The following LRP1B variants were observed in gnomAD, a reference collection of about 807,000 sequenced individuals.
The protein encoded by LRP1B is low-density lipoprotein receptor-related protein 1B.
LRP1B carries 217 observed loss-of-function variants against 556.6 expected under a neutral mutation model. The ratio of observed to expected loss-of-function variants is 0.39; its 90% CI spans 0.35 to 0.44. LRP1B has a LOEUF of 0.44. LRP1B is among the 20% of genes least tolerant of loss of function. The pLI is 1.00. For synonymous variants in LRP1B, 2,047 were observed against 1,865.8 expected (o/e 1.10, Z -2.50); for missense variants, 5,053 against 5,620.8 (o/e 0.90, Z 3.23).
intron 1 of LRP1B, among the ~76,000 whole-genome samples, chr2:142,014,649 A>G (rs1389198414): frequency 6.6e-6 from 1 of 152,186 alleles, no homozygotes; most frequent in Admixed American, 6.5e-5. Context: ...AAACCTTTTA[A>G]AGAAGTGGAT....
chr2:141,251,170 A>G (rs953624146), intron 4 of LRP1B, among the ~76,000 whole-genome samples: 1 of 152,182 alleles, frequency 6.6e-6, no homozygotes, highest in Non-Finnish European at 1.5e-5. Flanking sequence ...TTTGGAGTCA[A>G]GATCATAAAG....
chr2:140,495,994 C>G (rs1281467522), intron 55 of LRP1B, among the ~76,000 whole-genome samples: 2 of 152,080 alleles, frequency 1.3e-5, no homozygotes, highest in African/African-American at 4.8e-5. Flanking sequence ...ATTGACATTG[C>G]TAAGGCCGTG....
intron 1 of LRP1B, among the ~76,000 whole-genome samples, chr2:141,834,739 C>T (rs1331328677): frequency 6.6e-6 from 1 of 151,670 alleles, no homozygotes; most frequent in Non-Finnish European, 1.5e-5. Flanking sequence ...AGAAGTTGCA[C>T]AGTTGGAAAG....
intron 2 of LRP1B, among the ~76,000 whole-genome samples, chr2:141,677,758 G>T (rs1574230791): frequency 6.6e-6 from 1 of 152,108 alleles, no homozygotes; most frequent in Admixed American, 6.6e-5. Context: ...CAAAGTGCTG[G>T]CATTACAGGC....
intron 47 of LRP1B, among the ~76,000 whole-genome samples, chr2:140,527,683 GTT>G (rs5834754): frequency 5.3e-5 from 8 of 151,768 alleles, no homozygotes; most frequent in South Asian, 2.1e-4. Flanking sequence ...ACGGAAAAAA[GTT>G]TTTTTTCTTT....
intron 2 of LRP1B, among the ~76,000 whole-genome samples, chr2:141,661,896 G>A (rs1690234474): frequency 1.3e-5 from 2 of 152,070 alleles, no homozygotes; most frequent in Non-Finnish European, 2.9e-5. Context: ...CTCCAAGATT[G>A]AAATGAAGGA....
chr2:140,804,433 T>A (rs1690637966), intron 32 of LRP1B, among the ~76,000 whole-genome samples: 1 of 152,048 alleles, frequency 6.6e-6, no homozygotes, highest in East Asian at 1.9e-4. Context: ...ATGTATTTTT[T>A]AAATTTTTCT....
intron 1 of LRP1B, among the ~76,000 whole-genome samples, chr2:141,837,483 T>C (rs535422170): frequency 2.0e-5 from 3 of 152,044 alleles, no homozygotes; most frequent in Non-Finnish European, 2.9e-5. Context: ...GAAAAAATCT[T>C]CAGCTTTCAT....
At chr2:141,825,442 C>T (rs1696890408) in intron 1 of LRP1B, among the ~76,000 whole-genome samples, 1 of 152,150 alleles carries the variant, frequency 6.6e-6, no homozygotes, top group African/African-American at 2.4e-5. Context: ...TCAACTGTAT[C>T]ATCAAATAAG....
intron 1 of LRP1B, among the ~76,000 whole-genome samples, chr2:141,891,911 C>T (rs1454950991): frequency 6.6e-6 from 1 of 151,966 alleles, no homozygotes; most frequent in Non-Finnish European, 1.5e-5. Flanking sequence ...GACATAATTT[C>T]TAAATAGGTG....
chr2:140,666,119 G>A (rs561537446), intron 41 of LRP1B, among the ~76,000 whole-genome samples: 7 of 151,424 alleles, frequency 4.6e-5, no homozygotes, highest in Non-Finnish European at 1.0e-4. Context: ...TCAGCCTCCC[G>A]AGTAGTTGGG....
At chr2:140,551,352 C>G (rs1680541835) in intron 43 of LRP1B, among the ~76,000 whole-genome samples, 1 of 151,994 alleles carries the variant, frequency 6.6e-6, no homozygotes, top group Admixed American at 6.6e-5. Flanking sequence ...AGGAGGGGGA[C>G]TGGGAAGAAA....
At chr2:141,536,988 T>C (rs1250672885) in intron 2 of LRP1B, among the ~76,000 whole-genome samples, 2 of 151,424 alleles carry the variant, frequency 1.3e-5, no homozygotes, top group Non-Finnish European at 3.0e-5. Context: ...ATTGAGGAAA[T>C]GATAAATGAG....
intron 2 of LRP1B, among the ~76,000 whole-genome samples, chr2:141,766,456 T>C (rs144236177): frequency 6.6e-6 from 1 of 152,286 alleles, no homozygotes; most frequent in Non-Finnish European, 1.5e-5. Context: ...TCACTAAAAG[T>C]CATTTGAAGT....
At chr2:141,671,282 A>C (rs993666052) in intron 2 of LRP1B, among the ~76,000 whole-genome samples, 1 of 152,178 alleles carries the variant, frequency 6.6e-6, no homozygotes, top group Non-Finnish European at 1.5e-5. Context: ...AAGATAATCT[A>C]AGGTCAGATT....
chr2:141,584,286 T>C (rs960422591), intron 2 of LRP1B, among the ~76,000 whole-genome samples: 1 of 151,796 alleles, frequency 6.6e-6, no homozygotes, highest in Non-Finnish European at 1.5e-5. Context: ...TCAACTACCA[T>C]CTAGGAAAGA....
chr2:141,906,593 G>A (rs1699767542), intron 1 of LRP1B, among the ~76,000 whole-genome samples: 1 of 151,960 alleles, frequency 6.6e-6, no homozygotes, highest in South Asian at 2.1e-4. Context: ...AGATACTGAT[G>A]TGACTTTTAT....
rs901299427 is a variant in LRP1B, at chr2:140,657,767, T to C, written c.6799+42483A>G. ...TTTTAATGTACTCATGATGTGTCAC[T>C]GTGATTACATTAAAAACAAAAGAGC... On this transcript the variant is annotated intron_variant, in intron 41 of 90. Coordinates refer to ENST00000389484, the MANE Select transcript of LRP1B (RefSeq NM_018557.3). 8.6e-5 allele frequency among the ~76,000 whole-genome samples: 13 copies of C among 151,950 alleles called. No individual in the cohort carries two copies. In the South Asian group the frequency reaches 2.5e-3, roughly 29 times the overall value.
intron 86 of LRP1B, among the ~76,000 whole-genome samples, chr2:140,269,800 G>T (rs953980259): frequency 1.3e-5 from 2 of 151,776 alleles, no homozygotes; most frequent in African/African-American, 4.8e-5. Flanking sequence ...GGGCTTAATA[G>T]GTTTACATAA....
Sources: allele counts gnomAD v4.1 joint callset (sites outside exome capture counted in the v4.1 genomes callset), GRCh38; gene constraint gnomAD v4.1.1; transcripts MANE v1.5; gene names NCBI Gene and HGNC (gene_info 2026-07-23, HGNC 2026-07-21).